Variants in EXOC2 observed in about 807,000 individuals in gnomAD.
The protein encoded by EXOC2 is SEC5-like 1.
In EXOC2, 70 loss-of-function variants were observed where a neutral mutation model predicts 131.8. The ratio of observed to expected loss-of-function variants is 0.53; its 90% CI spans 0.44 to 0.65. EXOC2 has a LOEUF of 0.65. Ranked by LOEUF, EXOC2 falls within the 30% of genes least tolerant of loss-of-function variation. The pLI is 0.00. For missense variants in EXOC2, 923 were observed against 1,108.6 expected (o/e 0.83, Z 2.38); for synonymous variants, 411 against 398.4 (o/e 1.03, Z -0.38).
chr6:554,034 A>C (rs1741187814), intron 20 of EXOC2, 114 bp from the exon 21 acceptor site: 1 of 812,584 alleles, frequency 1.2e-6, no homozygotes, highest in African/African-American at 2.4e-5. Flanking sequence ...CATTTGGTGA[A>C]AGTCACATAA....
intron 27 of EXOC2, among the ~76,000 whole-genome samples, chr6:488,072 G>T (rs1303812269): frequency 6.6e-6 from 1 of 152,230 alleles, no homozygotes; most frequent in Non-Finnish European, 1.5e-5. Context: ...GATTGTGCAG[G>T]CACTGTCTGC....
intron 1 of EXOC2, among the ~76,000 whole-genome samples, chr6:660,409 C>T (rs1011992972): frequency 1.3e-5 from 2 of 152,196 alleles, no homozygotes; most frequent in Non-Finnish European, 2.9e-5. Flanking sequence ...CCCTCCGCCA[C>T]CTCCACTGGA....
chr6:603,034 T>C (rs11968278), intron 7 of EXOC2, among the ~76,000 whole-genome samples: 1,954 of 152,330 alleles, frequency 0.013, 26 homozygotes, highest in African/African-American at 0.032. Flanking sequence ...GTAAATATTA[T>C]GCTTTCTCTT....
At position 520,780 on chromosome 6, in the gene EXOC2, C is replaced by T. The variant is rs866154160; in HGVS notation, c.2380+11689G>A. 1.3e-4 allele frequency among the ~76,000 whole-genome samples: 18 copies of T among 134,608 alleles called. 1 individual carries two copies. The highest frequency in any genetic ancestry group is 2.9e-4 in the Admixed American group (4 of 13,918). The allele number at this position is 134,608 out of a possible 152,430, so 88.3% of individuals were successfully genotyped here. ...CTCGGACATGAAAACCACCACCCAC[C>T]GAGCACCAACACTCACCGTCCACAC... On this transcript the variant is annotated intron_variant, in intron 23 of 27. Transcript: ENST00000230449.
chr6:535,762 G>A (rs1255121137), intron 22 of EXOC2, among the ~76,000 whole-genome samples: 2 of 152,110 alleles, frequency 1.3e-5, no homozygotes, highest in Non-Finnish European at 2.9e-5. Flanking sequence ...CATTTTCATA[G>A]AATAGAGGCT....
chr6:684,481 G>T (rs1429633997), intron 1 of EXOC2, among the ~76,000 whole-genome samples: 1 of 152,016 alleles, frequency 6.6e-6, no homozygotes, highest in Non-Finnish European at 1.5e-5. Flanking sequence ...CAAGACAAAA[G>T]GCCACATTTT....
At chr6:507,166 CCA>C in intron 23 of EXOC2, among the ~76,000 whole-genome samples, 1 of 44,128 alleles carries the variant, frequency 2.3e-5, no homozygotes, top group African/African-American at 7.6e-5. Context: ...AGTGACCCCC[CCA>C]CCCACACACA....
At chr6:635,138 C>T (rs1202393978) in intron 2 of EXOC2, among the ~76,000 whole-genome samples, 1 of 152,108 alleles carries the variant, frequency 6.6e-6, no homozygotes, top group East Asian at 1.9e-4. Flanking sequence ...CAACAATTAA[C>T]GTCAGGTAGC....
At chr6:564,499 A>G in intron 15 of EXOC2, 46 bp downstream of exon 15, 2 of 1,605,716 alleles carry the variant, frequency 1.2e-6, no homozygotes, top group East Asian at 4.5e-5. Flanking sequence ...CAAAAAGTTA[A>G]AAAAAACAGA....
intron 20 of EXOC2, among the ~76,000 whole-genome samples, 186 bp downstream of exon 20, chr6:555,041 A>C (rs1381930580): frequency 2.0e-5 from 3 of 152,218 alleles, no homozygotes; most frequent in African/African-American, 7.2e-5. Flanking sequence ...TAATAAGGCA[A>C]AGATGAGTTG....
chr6:587,717 T>C (rs1759296577), intron 11 of EXOC2, among the ~76,000 whole-genome samples: 1 of 152,232 alleles, frequency 6.6e-6, no homozygotes, highest in South Asian at 2.1e-4. Context: ...CGCATTTCAT[T>C]TACCATTTGC....
In EXOC2 at chr6:555,282, T is replaced by A. The variant is rs147811120; in HGVS notation, c.1999A>T (p.Ile667Leu). 8 of 1,521,900 alleles carry A rather than the reference T, an allele frequency of 5.3e-6. No homozygotes were observed. The highest frequency in any genetic ancestry group is 6.2e-6 in the Non-Finnish European group (7 of 1,120,648). 94.3% of individuals were successfully genotyped at this position (1,521,900 alleles called of 1,614,324 possible). A position where few individuals can be genotyped will look rare whatever the true frequency, so the allele number is the denominator to read the frequency against. The change falls in exon 20 of 28, where the codon ATA (isoleucine) becomes TTA (leucine). Residue 667 changes from isoleucine (I) to leucine (L), a missense_variant. Transcript: ENST00000230449. ...GTGCTCAACTGTTCCAGACAGTATA[T>A]AAAAACCTAAGTGAAAACATAAGTT... ...QLSINIMQVFIYCLEQLSTKP... is the reference protein window; with the variant it reads ...QLSINIMQVFLYCLEQLSTKP...
In EXOC2 at chr6:547,693, A is replaced by T. The variant is rs183286559; in HGVS notation, c.2238+1482T>A. Among the ~76,000 whole-genome samples, 201 of 152,332 alleles carry T rather than the reference A, an allele frequency of 1.3e-3. 3 individuals are homozygous for T. Among genetic ancestry groups the T allele is most frequent in the Non-Finnish European group, 1.4e-3 (92 of 68,028 alleles). On this transcript the variant is annotated intron_variant, in intron 22 of 27. Coordinates refer to ENST00000230449, the MANE Select transcript of EXOC2 (RefSeq NM_018303.6). ...TCTAAATCTAGTTTACTATCTATTC[A>T]TTCTAAACACAACTGAATTTCAAAA...
chr6:526,069 ACTTTC>A (rs1470108153), intron 23 of EXOC2, among the ~76,000 whole-genome samples: 128 of 152,362 alleles, frequency 8.4e-4, no homozygotes, highest in Non-Finnish European at 8.8e-5. Flanking sequence ...CTTCTGTAAA[ACTTTC>A]CTTAAGACAA....
intron 1 of EXOC2, among the ~76,000 whole-genome samples, chr6:654,802 T>TCAAAA: frequency 2.5e-4 from 1 of 3,992 alleles, no homozygotes; most frequent in East Asian, 4.6e-3. Flanking sequence ...AGACCCTGTC[T>TCAAAA]CAAAAAAAAA....
intron 23 of EXOC2, among the ~76,000 whole-genome samples, chr6:531,400 T>TACACA: frequency 6.6e-6 from 1 of 152,226 alleles, no homozygotes. Flanking sequence ...AGAAAGTGTG[T>TACACA]GCACAGAAAA....
intron 1 of EXOC2, among the ~76,000 whole-genome samples, chr6:684,039 C>T (rs1764532224): frequency 6.6e-6 from 1 of 152,238 alleles, no homozygotes; most frequent in East Asian, 1.9e-4. Context: ...GTTGCTCTCT[C>T]TCTCATCCAC....
chr6:520,676 C>T (rs183680808), intron 23 of EXOC2, among the ~76,000 whole-genome samples: 3,585 of 79,106 alleles, frequency 0.045, 275 homozygotes, highest in East Asian at 0.097. Flanking sequence ...AAACAACCAC[C>T]CACCGAGCGC....
chr6:570,912 C>T lies in EXOC2; in HGVS notation c.1443+1608G>A, dbSNP rs557443682. Among the ~76,000 whole-genome samples, 14 of 152,308 alleles carry T rather than the reference C, an allele frequency of 9.2e-5. No homozygotes were observed. The South Asian group carries it at 1.0e-3, about 11-fold the overall frequency. On this transcript the variant is annotated intron_variant, in intron 13 of 27. Transcript: ENST00000230449. ...GACACAGAGAGGAAGCTGGTGCCTG[C>T]GGTGCCACTACTGTCACTGTGCAGA...
Sources: allele counts gnomAD v4.1 joint callset (sites outside exome capture counted in the v4.1 genomes callset), GRCh38; gene constraint gnomAD v4.1.1; transcripts MANE v1.5; gene names NCBI Gene and HGNC (gene_info 2026-07-23, HGNC 2026-07-21).